TMEM150B: variants seen among roughly 807,000 people sequenced by gnomAD.
TMEM150B encodes modulator of macroautophagy TMEM150B.
A neutral mutation model predicts 25.2 loss-of-function variants in TMEM150B; 33 were observed. The observed-to-expected ratio is 1.31, with a 90% CI of 0.99 to 1.75. The LOEUF (loss-of-function observed/expected upper bound fraction) is 1.75. TMEM150B is among the 40% of genes most tolerant of loss of function. The pLI is 0.00. For synonymous variants in TMEM150B, 133 were observed against 134.8 expected (o/e 0.99, Z 0.09); for missense variants, 322 against 306.1 (o/e 1.05, Z -0.39).
rs1297680865 is a variant in TMEM150B, at chr19:55,318,302, C to T, written c.325-1336G>A. ...ACTTGAGCCCGGGAGATGGAGGTTGCAGTAAGCCAAGATCTCACCACTGCA... is the reference window on the plus strand; with the variant it reads ...ACTTGAGCCCGGGAGATGGAGGTTGTAGTAAGCCAAGATCTCACCACTGCA... On this transcript the variant is annotated intron_variant, in intron 6 of 7. Coordinates refer to ENST00000326652, the MANE Select transcript of TMEM150B (RefSeq NM_001282011.2). 4.6e-5 allele frequency among the ~76,000 whole-genome samples: 7 copies of T among 152,060 alleles called. No individual in the cohort carries two copies. In the East Asian group the frequency reaches 9.7e-4, roughly 21 times the overall value.
In TMEM150B at chr19:55,321,170, G is replaced by C. The variant is rs904352242; in HGVS notation, c.-57-77C>G. On this transcript the variant is annotated intron_variant, in intron 2 of 7. Transcript: ENST00000326652. ...ACCACTAGGCCCCGCTTGGCTCTCA[G>C]GCAGAAGTCACCTGTAGGGGTCTGA... 4.8e-6 allele frequency: 7 copies of C among 1,455,742 alleles called. No individual in the cohort carries two copies. The African/African-American group carries it at 1.0e-4, about 21-fold the overall frequency. 90.2% of individuals were successfully genotyped at this position (1,455,742 alleles called of 1,614,324 possible).
At chr19:55,319,113 T>C (rs979860979) in intron 6 of TMEM150B, among the ~76,000 whole-genome samples, 6 of 152,010 alleles carry the variant, frequency 3.9e-5, no homozygotes, top group African/African-American at 1.4e-4. Context: ...TTCTTTTTTC[T>C]TTTCTTTTCT....
chr19:55,318,165 A>G (rs1394617048), intron 6 of TMEM150B, among the ~76,000 whole-genome samples: 2 of 152,040 alleles, frequency 1.3e-5, no homozygotes, highest in Admixed American at 6.6e-5. Context: ...GTTTGAGACC[A>G]GCGTGGCCAA....
downstream of TMEM150B, chr19:55,312,775 T>C: frequency 7.3e-7 from 1 of 1,377,746 alleles, no homozygotes; most frequent in Non-Finnish European, 9.8e-7. Flanking sequence ...CTCCAGTGGC[T>C]CATCTTGCTG....
In TMEM150B at chr19:55,316,736, C is replaced by T. The variant is rs114504545; in HGVS notation, c.505+50G>A. 1,442 of 1,416,842 alleles carry T rather than the reference C, an allele frequency of 1.0e-3. 11 individuals are homozygous for T. The African/African-American group carries it at 0.019, about 19-fold the overall frequency. 87.8% of individuals were successfully genotyped at this position (1,416,842 alleles called of 1,614,324 possible). A position where few individuals can be genotyped will look rare whatever the true frequency, so the allele number is the denominator to read the frequency against. Reference sequence around the variant, plus strand: ...ACAGACAGCCAGGCAGGAAGACCAACTCCAGTGAAGAGCCACCTCCAAGCC... The same window carrying T: ...ACAGACAGCCAGGCAGGAAGACCAATTCCAGTGAAGAGCCACCTCCAAGCC... On this transcript the variant is annotated intron_variant, in intron 7 of 7. Transcript: ENST00000326652.
At chr19:55,322,042 C>T (rs186751765) in intron 2 of TMEM150B, among the ~76,000 whole-genome samples, 3 of 152,304 alleles carry the variant, frequency 2.0e-5, no homozygotes, top group South Asian at 4.1e-4. Context: ...CTGCTCCTGC[C>T]GCCTGACCCT....
chr19:55,316,306 C>T (rs962506991), intron 7 of TMEM150B, among the ~76,000 whole-genome samples: 3 of 152,108 alleles, frequency 2.0e-5, no homozygotes, highest in African/African-American at 7.2e-5. Context: ...CAGAACCTCA[C>T]GCGCATCCTG....
downstream of TMEM150B, among the ~76,000 whole-genome samples, chr19:55,311,554 C>G (rs1443955359): frequency 6.6e-6 from 1 of 152,160 alleles, no homozygotes; most frequent in Non-Finnish European, 1.5e-5. Flanking sequence ...TTGCTGTGAA[C>G]GTTGAGCACC....
At chr19:55,316,988 T>A (rs775820544) in intron 6 of TMEM150B, 22 bp from the exon 7 acceptor site, 2 of 1,587,018 alleles carry the variant, frequency 1.3e-6, no homozygotes, top group South Asian at 2.3e-5. Context: ...AGGGAGAAGT[T>A]GGGAGGGAGA....
chr19:55,313,073 G>C lies in TMEM150B; in HGVS notation c.506-18C>G. 6.3e-7 allele frequency: 1 copy of C among 1,599,968 alleles called. No individual in the cohort carries two copies. The highest frequency in any genetic ancestry group is 8.5e-7 in the Non-Finnish European group (1 of 1,173,748). On this transcript the variant is annotated intron_variant, in intron 7 of 7. Coordinates refer to ENST00000326652, the MANE Select transcript of TMEM150B (RefSeq NM_001282011.2). Reference sequence around the variant, plus strand: ...GACGATCACTGCCCCAGGGTCAAGGGCCACACTGCTACCGTGACAGACGCG... The same window carrying C: ...GACGATCACTGCCCCAGGGTCAAGGCCCACACTGCTACCGTGACAGACGCG...
chr19:55,312,018 C>T (rs1430538066), downstream of TMEM150B: 1 of 1,514,698 alleles, frequency 6.6e-7, no homozygotes, highest in Admixed American at 2.2e-5. Flanking sequence ...CCGCCGAGGC[C>T]CCCCCAAGGA....
chr19:55,319,818 C>T (rs2089141415), intron 6 of TMEM150B: 1 of 1,376,042 alleles, frequency 7.3e-7, no homozygotes, highest in Non-Finnish European at 9.4e-7. Context: ...TCCTGGAAGT[C>T]AACGAAGTCC....
At chr19:55,316,484 A>G (rs2089003831) in intron 7 of TMEM150B, among the ~76,000 whole-genome samples, 1 of 151,976 alleles carries the variant, frequency 6.6e-6, no homozygotes, top group Admixed American at 6.6e-5. Flanking sequence ...CTATTATCCT[A>G]TCCACTCCAC....
intron 7 of TMEM150B, among the ~76,000 whole-genome samples, chr19:55,314,197 T>C (rs1040212868): frequency 4.6e-5 from 7 of 152,148 alleles, no homozygotes; most frequent in African/African-American, 1.7e-4. Context: ...AATTTTTGTA[T>C]TTTTAGTAGA....
intron 7 of TMEM150B, among the ~76,000 whole-genome samples, chr19:55,313,875 C>G (rs1368198044): frequency 1.3e-5 from 2 of 152,208 alleles, no homozygotes; most frequent in Non-Finnish European, 2.9e-5. Flanking sequence ...CACTTCACCC[C>G]TCCCAGACAG....
chr19:55,318,504 C>T lies in TMEM150B; in HGVS notation c.324+1535G>A, dbSNP rs2089081045. Among the ~76,000 whole-genome samples, 3 of 151,946 alleles carry T rather than the reference C, an allele frequency of 2.0e-5. No homozygotes were observed. In the South Asian group the frequency reaches 6.2e-4, roughly 32 times the overall value. On this transcript the variant is annotated intron_variant, in intron 6 of 7. Transcript: ENST00000326652. ...AAAAAAATTTAGCCAGGCCTGGTGG[C>T]AGGTGCCTGTAGTCTCAGCTATTTG...
chr19:55,322,266 C>G (rs1345146862), intron 2 of TMEM150B, among the ~76,000 whole-genome samples: 1 of 152,126 alleles, frequency 6.6e-6, no homozygotes, highest in Non-Finnish European at 1.5e-5. Context: ...GTCCAGACCC[C>G]AAGATAGCCC....
chr19:55,324,524 T>C (rs1248257779), intron 1 of TMEM150B, among the ~76,000 whole-genome samples: 2 of 152,114 alleles, frequency 1.3e-5, no homozygotes, highest in African/African-American at 4.8e-5. Flanking sequence ...GGCAGGCACC[T>C]GTAATCCCAG....
At chr19:55,309,844 G>T (rs563386966), downstream of TMEM150B, among the ~76,000 whole-genome samples, 3 of 152,192 alleles carry the variant, frequency 2.0e-5, no homozygotes, top group African/African-American at 4.8e-5. Context: ...CCTGAGACAC[G>T]GGGTCACAGG....
Sources: gnomAD v4.1 joint callset for allele counts (sites outside exome capture counted in the v4.1 genomes callset) on GRCh38, gnomAD v4.1.1 for gene constraint, MANE v1.5 for transcripts, NCBI Gene and HGNC (gene_info 2026-07-23, HGNC 2026-07-21) for gene names.